MFAP3: variants seen among roughly 807,000 people sequenced by gnomAD.
The protein encoded by MFAP3 is microfibril-associated glycoprotein 3.
A neutral mutation model predicts 20.5 loss-of-function variants in MFAP3; 8 were observed. The observed-to-expected ratio is 0.39, with a 90% CI of 0.23 to 0.70. The LOEUF (loss-of-function observed/expected upper bound fraction) is 0.70, where lower values mean the gene tolerates loss of function less well. MFAP3 is among the 30% of genes least tolerant of loss of function. MFAP3 has a pLI of 0.44. For missense variants in MFAP3, 398 were observed against 444.6 expected (o/e 0.90, Z 0.94); for synonymous variants, 140 against 154.0 (o/e 0.91, Z 0.67).
At chr5:154,047,501 G>A (rs143814484) in intron 1 of MFAP3, among the ~76,000 whole-genome samples, 35 of 152,166 alleles carry the variant, frequency 2.3e-4, no homozygotes, top group African/African-American at 8.4e-4. Context: ...CTGGAGTTGT[G>A]GGGGGCTTTT....
Position 154,053,092 on chromosome 5 carries a change from G to T in MFAP3, c.468G>T (p.Leu156=), listed in dbSNP as rs765327519. The change falls in exon 3 of 3, where the codon CTG becomes CTT. Residue 156 remains leucine (L), a synonymous_variant. Transcript: ENST00000522782. ...DMSVYYMIVC[L]IAFTITLILN... ...GTGTCTATTACATGATTGTTTGCCT[G>T]ATTGCCTTTACAATCACACTCATCT... is the stretch of plus-strand genomic sequence containing the variant. 6 of 1,613,836 alleles carry T rather than the reference G, an allele frequency of 3.7e-6. No homozygotes were observed. In the South Asian group the frequency reaches 6.6e-5, roughly 18 times the overall value.
chr5:154,053,733 G>A lies in MFAP3; in HGVS notation c.*20G>A, dbSNP rs573392980. 7.0e-6 allele frequency: 11 copies of A among 1,564,590 alleles called. No homozygotes were observed. The highest frequency in any genetic ancestry group is 9.5e-6 in the Non-Finnish European group (11 of 1,154,042). On this transcript the variant is annotated 3_prime_UTR_variant, in exon 3 of 3. Coordinates refer to ENST00000522782, the MANE Select transcript of MFAP3 (RefSeq NM_005927.5). ...CTGTAACCTACAATGCTGTAACCCA[G>A]TACCTACAAAATCAGCTCGCTCTCA...
Position 154,053,661 on chromosome 5 carries a change from C to T in MFAP3, c.1037C>T (p.Ala346Val). The T allele has an allele frequency of 6.2e-7, 1 of 1,613,844 alleles. No individual in the cohort carries two copies. Among genetic ancestry groups the T allele is most frequent in the Non-Finnish European group, 8.5e-7 (1 of 1,179,848 alleles). Reference sequence around the variant, plus strand: ...AGTCCACCTGATGATATAGGATCTGCAGAATCTAACTGTAACTACAAAGAT... The same window carrying T: ...AGTCCACCTGATGATATAGGATCTGTAGAATCTAACTGTAACTACAAAGAT... ...HFSPPDDIGS[A>V]ESNCNYKDGA... Residue 346 changes from alanine to valine, a missense_variant, in exon 3 of 3, where the codon GCA (alanine) becomes GTA (valine). Physicochemically the swap from Ala to Val is moderately conservative, Grantham distance 64 (BLOSUM62 0). Transcript: ENST00000522782.
chr5:154,056,177 C>G lies in MFAP3; in HGVS notation c.*2464C>G. Reference sequence around the variant, plus strand: ...TGTTTTTAAAGTCTGTAAGTTTGCACGATACTGTATAGTAACTAAATGCAT... The same window carrying G: ...TGTTTTTAAAGTCTGTAAGTTTGCAGGATACTGTATAGTAACTAAATGCAT... On this transcript the variant is annotated 3_prime_UTR_variant, in exon 3 of 3. Transcript: ENST00000522782. Among the ~76,000 whole-genome samples, 1 of 152,288 alleles carries G rather than the reference C, an allele frequency of 6.6e-6. No individual in the cohort carries two copies. The highest frequency in any genetic ancestry group is 1.9e-4 in the East Asian group (1 of 5,180).
chr5:154,053,223 T>A lies in MFAP3; in HGVS notation c.599T>A (p.Phe200Tyr). 6.2e-7 allele frequency: 1 copy of A among 1,613,886 alleles called. No homozygotes were observed. The highest frequency in any genetic ancestry group is 8.5e-7 in the Non-Finnish European group (1 of 1,179,898). Residue 200 changes from phenylalanine to tyrosine, a missense_variant, in exon 3 of 3, where the codon TTT (phenylalanine) becomes TAT (tyrosine). By Grantham distance (22) the Phe-to-Tyr change is conservative. Transcript: ENST00000522782. ...GGGGCTGAGAAACTTCAGAAGGCCT[T>A]TGAGATTGCAAAACGTATCCCCATC... The part of the protein sequence containing the change: ...TEGAEKLQKA[F>Y]EIAKRIPIIT...
Position 154,053,521 on chromosome 5 carries a change from T to G in MFAP3, c.897T>G (p.Asp299Glu). ...EMGRSNSPGG[D>E]SDDGSLNEQG... ...GACGGAGTAATTCACCAGGAGGAGA[T>G]TCAGATGATGGCTCTCTGAATGAAC... is the stretch of plus-strand genomic sequence containing the variant. The change falls in exon 3 of 3, where the codon GAT (aspartate) becomes GAG (glutamate). Residue 299 changes from aspartate (D) to glutamate (E), a missense_variant. Asp to Glu is a conservative substitution (Grantham distance 45). Coordinates refer to ENST00000522782, the MANE Select transcript of MFAP3 (RefSeq NM_005927.5). The G allele has an allele frequency of 6.2e-7, 1 of 1,613,722 alleles. No individual in the cohort carries two copies. Among genetic ancestry groups the G allele is most frequent in the Non-Finnish European group, 8.5e-7 (1 of 1,179,940 alleles).
rs1362778567 is a variant in MFAP3, at chr5:154,054,364, A to G, written c.*651A>G. On this transcript the variant is annotated 3_prime_UTR_variant, in exon 3 of 3. Transcript: ENST00000522782. ...CAATGTAGCACATGTCTGTAGGGTT[A>G]TACAGATGTCAGAGAGCTAACTGCT... is the stretch of plus-strand genomic sequence containing the variant. 1 of 166,952 alleles carries G rather than the reference A, an allele frequency of 6.0e-6. No individual in the cohort carries two copies. The highest frequency in any genetic ancestry group is 1.5e-5 in the Non-Finnish European group (1 of 68,118). 10.3% of individuals were successfully genotyped at this position (166,952 alleles called of 1,614,324 possible).
intron 1 of MFAP3, among the ~76,000 whole-genome samples, chr5:154,041,840 G>T (rs1435864653): frequency 6.6e-6 from 1 of 152,148 alleles, no homozygotes; most frequent in Non-Finnish European, 1.5e-5. Flanking sequence ...GGACTTAATT[G>T]AAAAATGTGT....
intron 1 of MFAP3, among the ~76,000 whole-genome samples, chr5:154,040,046 G>A (rs1772886140): frequency 6.6e-6 from 1 of 152,120 alleles, no homozygotes; most frequent in Non-Finnish European, 1.5e-5. Flanking sequence ...CTGATTTTCT[G>A]TTGTAATGGA....
At chr5:154,048,175 C>A (rs1224388465) in intron 1 of MFAP3, among the ~76,000 whole-genome samples, 2 of 152,164 alleles carry the variant, frequency 1.3e-5, no homozygotes, top group African/African-American at 4.8e-5. Flanking sequence ...TCCAAAATCC[C>A]CTCTCTGCCT....
chr5:154,050,478 A>T (rs932971483), intron 2 of MFAP3, among the ~76,000 whole-genome samples: 6 of 152,136 alleles, frequency 3.9e-5, no homozygotes, highest in African/African-American at 1.4e-4. Context: ...TTTTGCTCTG[A>T]AATTAGTTAC....
In MFAP3 at chr5:154,049,413, A is replaced by C. The variant is rs564033133; in HGVS notation, c.-166-144A>C. The stretch of plus-strand genomic sequence containing the variant: ...TTGCTTTTTCTGCTGTCTCTGTGTG[A>C]GATTTTTAGGTACTGTTCCATCTAA... On this transcript the variant is annotated intron_variant, in intron 1 of 2. Transcript: ENST00000522782. The C allele has an allele frequency of 6.2e-4, 148 of 237,978 alleles. 3 individuals are homozygous for C. The South Asian group carries it at 1.0e-2, about 16-fold the overall frequency. 14.7% of individuals were successfully genotyped at this position (237,978 alleles called of 1,614,324 possible). A position where few individuals can be genotyped will look rare whatever the true frequency, so the allele number is the denominator to read the frequency against.
chr5:154,050,752 A>G (rs1025609396), intron 2 of MFAP3, among the ~76,000 whole-genome samples: 1 of 151,516 alleles, frequency 6.6e-6, no homozygotes, highest in African/African-American at 2.4e-5. Context: ...TTTTTATTTA[A>G]TTTTCCTATT....
At chr5:154,044,591 A>G (rs1205652417) in intron 1 of MFAP3, among the ~76,000 whole-genome samples, 1 of 152,244 alleles carries the variant, frequency 6.6e-6, no homozygotes, top group Admixed American at 6.5e-5. Flanking sequence ...TCAGTGTGCC[A>G]GGTTTCTTCT....
chr5:154,050,146 C>T, intron 2 of MFAP3, 129 bp downstream of exon 2: 1 of 978,244 alleles, frequency 1.0e-6, no homozygotes, highest in Non-Finnish European at 1.5e-6. Flanking sequence ...TTTGAAAGGT[C>T]TGGAGTGTTG....
chr5:154,050,711 A>G (rs1287852288), intron 2 of MFAP3, among the ~76,000 whole-genome samples: 2 of 151,082 alleles, frequency 1.3e-5, no homozygotes, highest in East Asian at 2.0e-4. Flanking sequence ...TCACATAAAC[A>G]TAGTGTGTTC....
At chr5:154,042,947 G>A (rs993320089) in intron 1 of MFAP3, among the ~76,000 whole-genome samples, 3 of 152,116 alleles carry the variant, frequency 2.0e-5, no homozygotes, top group East Asian at 1.9e-4. Context: ...TCACCAGAAC[G>A]GAAATCAGCC....
rs1194447207 is a variant in MFAP3 at position 154,055,634 on chromosome 5, T to C, written c.*1921T>C. ...CCTTTTCTCTGGAAAAATTAAATTT[T>C]TTTTCTGTCCACTGAGACTGGAGTG... is the stretch of plus-strand genomic sequence containing the variant. On this transcript the variant is annotated 3_prime_UTR_variant, in exon 3 of 3. Transcript: ENST00000522782. Among the ~76,000 whole-genome samples the C allele has an allele frequency of 6.6e-6, 1 of 152,170 alleles. No homozygotes were observed. The highest frequency in any genetic ancestry group is 1.5e-5 in the Non-Finnish European group (1 of 68,030).
intron 1 of MFAP3, among the ~76,000 whole-genome samples, chr5:154,044,218 T>G (rs1357924304): frequency 6.6e-6 from 1 of 152,202 alleles, no homozygotes; most frequent in Non-Finnish European, 1.5e-5. Context: ...TTAAAGTCAT[T>G]AGTCTAGAAT....
Sources: gnomAD v4.1 joint callset for allele counts (sites outside exome capture counted in the v4.1 genomes callset) on GRCh38, gnomAD v4.1.1 for gene constraint, MANE v1.5 for transcripts, NCBI Gene and HGNC (gene_info 2026-07-23, HGNC 2026-07-21) for gene names.